Variants in SNX16 observed in about 807,000 individuals in gnomAD.
The protein encoded by SNX16 is sorting nexin 16.
A neutral mutation model predicts 36.7 loss-of-function variants in SNX16; 35 were observed. The observed-to-expected ratio is 0.95, with a 90% CI of 0.73 to 1.27. The LOEUF (loss-of-function observed/expected upper bound fraction) is 1.27. SNX16 is among the 50% of genes most tolerant of loss of function. SNX16 has a pLI of 0.00. For synonymous variants in SNX16, 134 were observed against 132.0 expected (o/e 1.02, Z -0.10); for missense variants, 367 against 393.6 (o/e 0.93, Z 0.57).
chr8:81,841,198 G>A (rs962899231), intron 1 of SNX16, among the ~76,000 whole-genome samples: 1 of 152,050 alleles, frequency 6.6e-6, no homozygotes, highest in Non-Finnish European at 1.5e-5. Flanking sequence ...AAAATTAGCC[G>A]GGCATGGTGG....
chr8:81,833,015 G>C (rs1389078911), intron 2 of SNX16, among the ~76,000 whole-genome samples: 2 of 151,780 alleles, frequency 1.3e-5, no homozygotes, highest in African/African-American at 4.8e-5. Flanking sequence ...GATGTGCGTA[G>C]TGTGCAACAT....
In SNX16 at chr8:81,823,873, T is replaced by C. The variant is rs187867729; in HGVS notation, c.530A>G (p.Asn177Ser). ...TTGTCTGTCTTCTAAAAAGTCAGCA[T>C]TGTAATTATCTTTAAACCAGCGTTT... ...PPKRWFKDNY[N>S]ADFLEDRQLG... The change falls in exon 4 of 8, where the codon AAT becomes AGT. Residue 177 changes from asparagine (N) to serine (S), a missense_variant. Coordinates refer to ENST00000345957, the MANE Select transcript of SNX16 (RefSeq NM_152836.3). 6.8e-6 allele frequency: 11 copies of C among 1,612,150 alleles called. No individual in the cohort carries two copies. Among genetic ancestry groups the C allele is most frequent in the East Asian group, 2.2e-5 (1 of 44,758 alleles).
Position 81,808,268 on chromosome 8 carries a change from A to G in SNX16, c.682-5040T>C, listed in dbSNP as rs1274190374. On this transcript the variant is annotated intron_variant, in intron 5 of 7. Transcript: ENST00000345957. ...TCCATGGATAAGACGGTCATTCAGA[A>G]ACACTATACCATGAATGGCCACAAC... The G allele has an allele frequency of 2.6e-6, 3 of 1,165,806 alleles. No individual in the cohort carries two copies. In the African/African-American group the frequency reaches 4.5e-5, roughly 17 times the overall value. The allele number at this position is 1,165,806 out of a possible 1,614,324, so 72.2% of individuals were successfully genotyped here.
At position 81,805,218 on chromosome 8, in the gene SNX16, A is replaced by G. The variant is rs144796808; in HGVS notation, c.682-1990T>C. Among the ~76,000 whole-genome samples the G allele has an allele frequency of 3.0e-3, 450 of 152,282 alleles. 2 individuals carry two copies. The highest frequency in any genetic ancestry group is 0.01 in the African/African-American group (435 of 41,578). On this transcript the variant is annotated intron_variant, in intron 5 of 7. Coordinates refer to ENST00000345957, the MANE Select transcript of SNX16 (RefSeq NM_152836.3). ...TGAAAAAAATGCAAATAGACTAAAAAACAGTCAATAATATTAGAAAAAAGT... is the reference window on the plus strand; with the variant it reads ...TGAAAAAAATGCAAATAGACTAAAAGACAGTCAATAATATTAGAAAAAAGT...
At chr8:81,828,926 CA>C (rs992025821) in intron 3 of SNX16, among the ~76,000 whole-genome samples, 1 of 152,180 alleles carries the variant, frequency 6.6e-6, no homozygotes, top group Non-Finnish European at 1.5e-5. Context: ...ATTCTGCCAA[CA>C]ACCTGAATAA....
intron 3 of SNX16, among the ~76,000 whole-genome samples, chr8:81,828,580 G>C (rs1349952681): frequency 6.6e-6 from 1 of 152,118 alleles, no homozygotes; most frequent in Admixed American, 6.6e-5. Flanking sequence ...CATGATCTTT[G>C]CCTCTGGTGT....
At chr8:81,805,208 T>TA (rs1809875181) in intron 5 of SNX16, among the ~76,000 whole-genome samples, 1 of 151,346 alleles carries the variant, frequency 6.6e-6, no homozygotes, top group African/African-American at 2.4e-5. Context: ...AAAATGCAAA[T>TA]AGACTAAAAA....
At chr8:81,822,947 C>CGTATAT (rs1290245924) in intron 4 of SNX16, among the ~76,000 whole-genome samples, 5 of 52,342 alleles carry the variant, frequency 9.6e-5, no homozygotes, top group African/African-American at 2.9e-4. Flanking sequence ...TATACATATA[C>CGTATAT]ATATATATAT....
At chr8:81,802,685 T>A (rs7841431) in intron 6 of SNX16, among the ~76,000 whole-genome samples, 186 bp from the exon 7 acceptor site, 61,153 of 151,592 alleles carry the variant, frequency 0.4, 13,055 homozygotes, top group African/African-American at 0.49. Context: ...TAAAATGACT[T>A]TAGTATCAAT....
At chr8:81,809,077 G>A (rs1397229568) in intron 5 of SNX16, among the ~76,000 whole-genome samples, 1 of 151,518 alleles carries the variant, frequency 6.6e-6, no homozygotes, top group African/African-American at 2.4e-5. Context: ...TTAATGTGCT[G>A]TGTAAAGTTA....
At chr8:81,828,726 C>G (rs1340106995) in intron 3 of SNX16, among the ~76,000 whole-genome samples, 1 of 152,190 alleles carries the variant, frequency 6.6e-6, no homozygotes, top group Non-Finnish European at 1.5e-5. Flanking sequence ...ACTGTTTTCT[C>G]TAGCTGGTGG....
At chr8:81,837,596 A>T (rs1243177496) in intron 2 of SNX16, among the ~76,000 whole-genome samples, 2 of 152,212 alleles carry the variant, frequency 1.3e-5, no homozygotes, top group Admixed American at 1.3e-4. Context: ...TGTAAAGGAC[A>T]AAAAGCTCTC....
chr8:81,804,414 G>C (rs1809843407), intron 5 of SNX16, among the ~76,000 whole-genome samples: 1 of 151,940 alleles, frequency 6.6e-6, no homozygotes, highest in East Asian at 1.9e-4. Context: ...CCAACTTTGA[G>C]GAGGGCTGTA....
intron 2 of SNX16, among the ~76,000 whole-genome samples, chr8:81,835,341 T>C (rs1811446614): frequency 6.6e-6 from 1 of 152,224 alleles, no homozygotes; most frequent in Admixed American, 6.5e-5. Flanking sequence ...ACCTCTCATA[T>C]GCCCTGGAGA....
At chr8:81,823,966 C>T (rs1369313248) in intron 3 of SNX16, 26 bp from the exon 4 acceptor site, 1 of 1,594,750 alleles carries the variant, frequency 6.3e-7, no homozygotes, top group Non-Finnish European at 8.5e-7. Flanking sequence ...AGAGCAAATA[C>T]AATGTTTAAC....
At chr8:81,810,920 T>C (rs1810211901) in intron 5 of SNX16, among the ~76,000 whole-genome samples, 1 of 152,194 alleles carries the variant, frequency 6.6e-6, no homozygotes, top group African/African-American at 2.4e-5. Flanking sequence ...ACTCTTCCCC[T>C]GCCAAGTTAT....
At chr8:81,830,143 T>TA (rs1223796170) in intron 2 of SNX16, among the ~76,000 whole-genome samples, 1 of 152,012 alleles carries the variant, frequency 6.6e-6, no homozygotes, top group Admixed American at 6.6e-5. Flanking sequence ...CATACACCAA[T>TA]AACATTCAAG....
Position 81,803,203 on chromosome 8 carries a change from G to C in SNX16, c.707C>G (p.Thr236Arg). Residue 236 changes from threonine (T) to arginine (R), a missense_variant, in exon 6 of 8, where the codon ACA (threonine) becomes AGA (arginine). Coordinates refer to ENST00000345957, the MANE Select transcript of SNX16 (RefSeq NM_152836.3). ...TAGTTCTTTCTGTAAGCGGTAGTTT[G>C]TCTCTTCTAAAGTTTCACAGAATGC... ...SRAFCETLEE[T>R]NYRLQKELLE... 6.8e-6 allele frequency: 11 copies of C among 1,608,712 alleles called. No individual in the cohort carries two copies. Among genetic ancestry groups the C allele is most frequent in the Non-Finnish European group, 9.3e-6 (11 of 1,177,922 alleles).
At chr8:81,834,961 T>C (rs1300184868) in intron 2 of SNX16, among the ~76,000 whole-genome samples, 2 of 152,170 alleles carry the variant, frequency 1.3e-5, no homozygotes, top group African/African-American at 4.8e-5. Context: ...TGACCCCACA[T>C]TTCCCTTCCA....
Sources: gnomAD v4.1 joint callset for allele counts (sites outside exome capture counted in the v4.1 genomes callset) on GRCh38, gnomAD v4.1.1 for gene constraint, MANE v1.5 for transcripts, NCBI Gene and HGNC (gene_info 2026-07-23, HGNC 2026-07-21) for gene names.